Variants in ST18 observed in about 807,000 individuals in gnomAD.
The protein encoded by ST18 is ST18 C2H2C-type zinc finger transcription factor.
ST18 carries 50 observed loss-of-function variants against 110.0 expected under a neutral mutation model. The observed-to-expected ratio is 0.45, with a 90% confidence interval of 0.36 to 0.58. The LOEUF is 0.58. Ranked by LOEUF, ST18 falls within the 20% of genes least tolerant of loss-of-function variation. The probability of loss-of-function intolerance (pLI) is 0.00; values close to 1 mark genes in which losing one functional copy is unlikely to be tolerated. For missense variants in ST18, 1,306 were observed against 1,280.1 expected (o/e 1.02, Z -0.31); for synonymous variants, 461 against 452.4 (o/e 1.02, Z -0.24).
chr8:52,145,591 T>C (rs1418790871), intron 16 of ST18, among the ~76,000 whole-genome samples: 1 of 152,166 alleles, frequency 6.6e-6, no homozygotes, highest in African/African-American at 2.4e-5. Flanking sequence ...TGTAAATCAA[T>C]AGCATTTGTA....
intron 2 of ST18, among the ~76,000 whole-genome samples, chr8:52,289,442 G>T (rs1188355850): frequency 6.6e-6 from 1 of 152,110 alleles, no homozygotes; most frequent in East Asian, 1.9e-4. Context: ...GACAGATCAG[G>T]ACTCTGTCTC....
intron 2 of ST18, among the ~76,000 whole-genome samples, chr8:52,244,139 A>G (rs1035522024): frequency 2.0e-5 from 3 of 152,216 alleles, no homozygotes; most frequent in South Asian, 2.1e-4. Context: ...AAATGTTTAC[A>G]GTGGCAAAGA....
chr8:52,328,336 G>A (rs1351065240), intron 2 of ST18, among the ~76,000 whole-genome samples: 2 of 152,172 alleles, frequency 1.3e-5, no homozygotes, highest in African/African-American at 4.8e-5. Flanking sequence ...AGGATGAAGA[G>A]ACCTTATCAT....
chr8:52,149,893 T>G lies in ST18; in HGVS notation c.1891A>C (p.Thr631Pro), dbSNP rs781559485. 2 of 1,613,988 alleles carry G rather than the reference T, an allele frequency of 1.2e-6. No individual in the cohort carries two copies. Among genetic ancestry groups the G allele is most frequent in the Non-Finnish European group, 1.7e-6 (2 of 1,180,018 alleles). The change falls in exon 16 of 26, where the codon ACT (threonine) becomes CCT (proline). Residue 631 changes from threonine (T) to proline (P), a missense_variant. By Grantham distance (38) the Thr-to-Pro change is conservative. Transcript: ENST00000689386. ...GTTGGAATAGAAGTGTTAGAGGAAGTTAGGGGTGCAGACTTGTCCAGGATT... is the reference window on the plus strand; with the variant it reads ...GTTGGAATAGAAGTGTTAGAGGAAGGTAGGGGTGCAGACTTGTCCAGGATT... ...NRILDKSAPL[T>P]SSNTSIPTPS...
At chr8:52,196,644 A>G (rs549725476) in intron 8 of ST18, among the ~76,000 whole-genome samples, 2 of 151,370 alleles carry the variant, frequency 1.3e-5, no homozygotes, top group African/African-American at 2.4e-5. Flanking sequence ...TAACTGTTCT[A>G]TTTTATTATT....
At position 52,180,050 on chromosome 8, in the gene ST18, C is replaced by T. The variant is rs754015330; in HGVS notation, c.277+72G>A. The T allele has an allele frequency of 1.2e-5, 17 of 1,451,466 alleles. No individual in the cohort carries two copies. In the Admixed American group the frequency reaches 2.3e-4, roughly 20 times the overall value. 89.9% of individuals were successfully genotyped at this position (1,451,466 alleles called of 1,614,324 possible). A position where few individuals can be genotyped will look rare whatever the true frequency, so the allele number is the denominator to read the frequency against. Reference sequence around the variant, plus strand: ...AACCATACAAACCATACAAACCACACACTCTACATGAATTAGCACAGAGTC... The same window carrying T: ...AACCATACAAACCATACAAACCACATACTCTACATGAATTAGCACAGAGTC... On this transcript the variant is annotated intron_variant, in intron 9 of 25. Transcript: ENST00000689386.
intron 2 of ST18, among the ~76,000 whole-genome samples, chr8:52,294,894 C>T (rs927701086): frequency 3.3e-5 from 5 of 152,246 alleles, no homozygotes; most frequent in African/African-American, 1.2e-4. Context: ...CTGCAGGAGC[C>T]ATGCTTATCA....
In ST18 at chr8:52,167,591, G is replaced by A. The variant is rs936104649; in HGVS notation, c.1070-605C>T. On this transcript the variant is annotated intron_variant, in intron 10 of 25. Coordinates refer to ENST00000689386, the MANE Select transcript of ST18 (RefSeq NM_001352837.2). ...GGTCTCGAGATTCCAACACCCCCAC[G>A]GGTTGCCACTTGGGTTCAGCATGCA... is the stretch of plus-strand genomic sequence containing the variant. 2.6e-5 allele frequency among the ~76,000 whole-genome samples: 4 copies of A among 152,306 alleles called. No individual in the cohort carries two copies. In the South Asian group the frequency reaches 8.3e-4, roughly 32 times the overall value.
chr8:52,365,409 C>T (rs1827465481), intron 2 of ST18, among the ~76,000 whole-genome samples: 1 of 151,886 alleles, frequency 6.6e-6, no homozygotes, highest in Admixed American at 6.5e-5. Flanking sequence ...TGTTTTACAA[C>T]TTCTTAGCAT....
intron 16 of ST18, among the ~76,000 whole-genome samples, chr8:52,144,158 T>C (rs2132156930): frequency 6.6e-6 from 1 of 152,216 alleles, no homozygotes; most frequent in South Asian, 2.1e-4. Flanking sequence ...CAAATGATGG[T>C]TTTTCTCAAT....
chr8:52,113,087 T>C lies in ST18; in HGVS notation c.*111A>G, dbSNP rs2040987879. ...AATAAAATTAGTGCAATGTTGCAAATTGTAAATGCAGTACGGCAACCTCCA... is the reference window on the plus strand; with the variant it reads ...AATAAAATTAGTGCAATGTTGCAAACTGTAAATGCAGTACGGCAACCTCCA... On this transcript the variant is annotated 3_prime_UTR_variant, in exon 26 of 26. Coordinates refer to ENST00000689386, the MANE Select transcript of ST18 (RefSeq NM_001352837.2). The C allele has an allele frequency of 7.8e-7, 1 of 1,279,392 alleles. No homozygotes were observed. Among genetic ancestry groups the C allele is most frequent in the African/African-American group, 1.5e-5 (1 of 66,448 alleles). The allele number at this position is 1,279,392 out of a possible 1,614,324, so 79.3% of individuals were successfully genotyped here.
intron 14 of ST18, among the ~76,000 whole-genome samples, chr8:52,160,036 T>C (rs1199640424): frequency 6.6e-6 from 1 of 152,222 alleles, no homozygotes; most frequent in African/African-American, 2.4e-5. Context: ...GTTATATTTC[T>C]ATAATTACAA....
chr8:52,142,862 A>C (rs895113389), intron 17 of ST18, 68 bp downstream of exon 17: 1 of 1,184,080 alleles, frequency 8.4e-7, no homozygotes, highest in African/African-American at 1.5e-5. Context: ...AGGATATTGT[A>C]ACTTTAAGTC....
chr8:52,262,870 T>C (rs7464866), intron 2 of ST18, among the ~76,000 whole-genome samples: 8,595 of 152,308 alleles, frequency 0.056, 819 homozygotes, highest in African/African-American at 0.2. Flanking sequence ...AAAAACTTTA[T>C]TTAATCTTTA....
chr8:52,271,544 G>T (rs58439109), intron 2 of ST18, among the ~76,000 whole-genome samples: 5,922 of 152,226 alleles, frequency 0.039, 407 homozygotes, highest in African/African-American at 0.14. Context: ...GAAACAGATC[G>T]CACAGAAGTC....
intron 15 of ST18, among the ~76,000 whole-genome samples, chr8:52,154,024 G>C (rs2059427894): frequency 2.6e-5 from 4 of 152,190 alleles, no homozygotes; most frequent in Admixed American, 2.6e-4. Flanking sequence ...GATTGGACTA[G>C]GTTTTTGAAT....
At chr8:52,312,499 T>C (rs996010103) in intron 2 of ST18, among the ~76,000 whole-genome samples, 10 of 152,216 alleles carry the variant, frequency 6.6e-5, no homozygotes, top group African/African-American at 2.4e-4. Context: ...AGATGCAGCA[T>C]GGTGTTCCCT....
intron 2 of ST18, among the ~76,000 whole-genome samples, chr8:52,366,921 T>A (rs775504269): frequency 9.2e-5 from 14 of 152,158 alleles, no homozygotes; most frequent in Non-Finnish European, 7.3e-5. Flanking sequence ...ATGAACTGAT[T>A]GATTAAACAG....
intron 2 of ST18, among the ~76,000 whole-genome samples, chr8:52,339,013 A>G (rs936301919): frequency 6.6e-6 from 1 of 152,122 alleles, no homozygotes; most frequent in Non-Finnish European, 1.5e-5. Context: ...CAAGTAGCTC[A>G]CAGTTCTTTA....
Sources: allele counts gnomAD v4.1 joint callset (sites outside exome capture counted in the v4.1 genomes callset), GRCh38; gene constraint gnomAD v4.1.1; transcripts MANE v1.5; gene names NCBI Gene and HGNC (gene_info 2026-07-23, HGNC 2026-07-21).